ARID1B: variants seen among roughly 807,000 people sequenced by gnomAD.
ARID1B encodes AT-rich interaction domain 1B.
In ARID1B, 30 loss-of-function variants were observed where a neutral mutation model predicts 212.3. The observed-to-expected ratio is 0.14, with a 90% confidence interval of 0.11 to 0.19. The LOEUF is 0.19. ARID1B is among the 10% of genes least tolerant of loss of function. The pLI, the probability that ARID1B is intolerant of heterozygous loss-of-function variation, is 1.00. For missense variants in ARID1B, 2,891 were observed against 3,204.0 expected (o/e 0.90, Z 2.36); for synonymous variants, 1,402 against 1,301.7 (o/e 1.08, Z -1.66).
At chr6:157,204,253 A>G (rs1794299214) in intron 19 of ARID1B, 2 of 337,476 alleles carry the variant, frequency 5.9e-6, no homozygotes, top group African/African-American at 4.1e-5. Context: ...TGTATATGGG[A>G]TAGATGACAG....
chr6:157,070,068 A>G (rs1783914399), intron 4 of ARID1B, among the ~76,000 whole-genome samples: 1 of 152,190 alleles, frequency 6.6e-6, no homozygotes, highest in Admixed American at 6.5e-5. Context: ...AAAGACTAGA[A>G]GGAAATATGG....
intron 4 of ARID1B, among the ~76,000 whole-genome samples, chr6:157,046,619 T>G (rs1194958628): frequency 6.6e-6 from 1 of 152,222 alleles, no homozygotes; most frequent in Non-Finnish European, 1.5e-5. Flanking sequence ...CATTTCTTCT[T>G]GCTGATGTTT....
intron 13 of ARID1B, chr6:157,185,788 A>C (rs1363493861): frequency 2.6e-5 from 4 of 152,198 alleles, no homozygotes; most frequent in African/African-American, 9.7e-5. Flanking sequence ...TAATCAAGGG[A>C]TCTCACATAA....
rs544698841 is a variant in ARID1B at position 156,955,715 on chromosome 6, C to T, written c.2247+20139C>T. 6.6e-6 allele frequency among the ~76,000 whole-genome samples: 1 copy of T among 152,296 alleles called. No individual in the cohort carries two copies. The highest frequency in any genetic ancestry group is 2.4e-5 in the African/African-American group (1 of 41,572). ...AAACATCAAGAAAAGGTAGGAGAACCTATGCCCATCTCCAGAAGGGCCCTA... is the reference window on the plus strand; with the variant it reads ...AAACATCAAGAAAAGGTAGGAGAACTTATGCCCATCTCCAGAAGGGCCCTA... On this transcript the variant is annotated intron_variant, in intron 4 of 19. Coordinates refer to ENST00000636930, the MANE Select transcript of ARID1B (RefSeq NM_001374828.1). The surrounding 1 kb of genome is among the most constrained non-coding windows in gnomAD (Gnocchi z 4.2).
chr6:156,924,707 ATCTTGG>A (rs1160129115), intron 3 of ARID1B, among the ~76,000 whole-genome samples: 1 of 152,212 alleles, frequency 6.6e-6, no homozygotes, highest in African/African-American at 2.4e-5. Context: ...GAGCTACTGT[ATCTTGG>A]TTTTATGGAT....
intron 2 of ARID1B, among the ~76,000 whole-genome samples, chr6:156,894,373 G>T (rs913716587): frequency 6.6e-6 from 1 of 151,798 alleles, no homozygotes; most frequent in Admixed American, 6.6e-5. Flanking sequence ...CATTTGGGAT[G>T]ATGAAATCCT....
At chr6:156,892,545 G>A (rs1788024605) in intron 2 of ARID1B, among the ~76,000 whole-genome samples, 1 of 152,128 alleles carries the variant, frequency 6.6e-6, no homozygotes, top group Admixed American at 6.5e-5. Flanking sequence ...ATATTTTAAA[G>A]CTATTATTTA....
intron 13 of ARID1B, chr6:157,185,852 G>A (rs1025234522): frequency 6.6e-6 from 1 of 152,194 alleles, no homozygotes; most frequent in Admixed American, 6.5e-5. Context: ...AATTACATCT[G>A]TAGGCTCTAA....
intron 4 of ARID1B, among the ~76,000 whole-genome samples, chr6:157,013,905 C>G (rs1057280278): frequency 6.6e-6 from 1 of 152,194 alleles, no homozygotes; most frequent in African/African-American, 2.4e-5. Context: ...GTGCTTTGCT[C>G]AAGATCAGTG....
chr6:157,204,256 G>A (rs577717381), intron 19 of ARID1B: 1 of 318,134 alleles, frequency 3.1e-6, no homozygotes, highest in Admixed American at 4.6e-5. Flanking sequence ...ATATGGGATA[G>A]ATGACAGTAG....
chr6:156,898,477 G>T (rs1266231409), intron 2 of ARID1B, among the ~76,000 whole-genome samples: 1 of 152,050 alleles, frequency 6.6e-6, no homozygotes, highest in African/African-American at 2.4e-5. Context: ...AGGGACAGCC[G>T]CCCAGATGCC....
intron 4 of ARID1B, among the ~76,000 whole-genome samples, chr6:157,029,210 G>A (rs1780869749): frequency 6.6e-6 from 1 of 152,158 alleles, no homozygotes; most frequent in Admixed American, 6.5e-5. Context: ...TTGATTTTTA[G>A]TAACAGTCAT....
chr6:157,007,508 C>T (rs1296894451), intron 4 of ARID1B, among the ~76,000 whole-genome samples: 1 of 152,080 alleles, frequency 6.6e-6, no homozygotes, highest in Non-Finnish European at 1.5e-5. Context: ...TTAAAGCGAA[C>T]CATTTAGCTT....
Position 156,899,331 on chromosome 6 carries a change from T to C in ARID1B, c.1987-2045T>C, listed in dbSNP as rs555350093. Among the ~76,000 whole-genome samples, 5 of 152,316 alleles carry C rather than the reference T, an allele frequency of 3.3e-5. No homozygotes were observed. In the East Asian group the frequency reaches 9.6e-4, roughly 29 times the overall value. ...GCAATCCGTCCCATCATGGCTCCCA[T>C]TGAAGGACAGCTGACCGGGTCCAGT... is the stretch of plus-strand genomic sequence containing the variant. On this transcript the variant is annotated intron_variant, in intron 2 of 19. Coordinates refer to ENST00000636930, the MANE Select transcript of ARID1B (RefSeq NM_001374828.1).
chr6:157,043,009 A>T (rs1000767493), intron 4 of ARID1B, among the ~76,000 whole-genome samples: 2 of 152,204 alleles, frequency 1.3e-5, no homozygotes, highest in African/African-American at 4.8e-5. Context: ...TATTTGTTTT[A>T]GGCACCTAAA....
intron 4 of ARID1B, among the ~76,000 whole-genome samples, chr6:157,033,728 G>A (rs1309481541): frequency 6.6e-6 from 1 of 152,184 alleles, no homozygotes; most frequent in Admixed American, 6.5e-5. Context: ...GAACTTTACA[G>A]ACTGAACTTT....
At chr6:156,801,362 G>A (rs1349791429) in intron 1 of ARID1B, among the ~76,000 whole-genome samples, 1 of 151,762 alleles carries the variant, frequency 6.6e-6, no homozygotes, top group East Asian at 1.9e-4. Flanking sequence ...ACCAGGTCTG[G>A]GTAATTTTTT....
chr6:157,208,009 C>T lies in ARID1B; in HGVS notation c.*118C>T, dbSNP rs1794594920. The T allele has an allele frequency of 1.8e-6, 2 of 1,082,964 alleles. No individual in the cohort carries two copies. Among genetic ancestry groups the T allele is most frequent in the Non-Finnish European group, 2.5e-6 (2 of 810,320 alleles). 67.1% of individuals were successfully genotyped at this position (1,082,964 alleles called of 1,614,324 possible). ...GGAAAAGAAAATCTTTGCTCCTCTG[C>T]CCCATTCACTATTTACCAATTGGGA... On this transcript the variant is annotated 3_prime_UTR_variant, in exon 20 of 20. Coordinates refer to ENST00000636930, the MANE Select transcript of ARID1B (RefSeq NM_001374828.1).
chr6:156,793,901 G>A (rs1021507660), intron 1 of ARID1B, among the ~76,000 whole-genome samples: 14 of 152,336 alleles, frequency 9.2e-5, no homozygotes, highest in African/African-American at 3.1e-4. Context: ...CACATTGCAC[G>A]TATTATCTGC....
Sources: allele counts gnomAD v4.1 joint callset (sites outside exome capture counted in the v4.1 genomes callset), GRCh38; gene constraint gnomAD v4.1.1; non-coding constraint Gnocchi (gnomAD v3.1); transcripts MANE v1.5; gene names NCBI Gene and HGNC (gene_info 2026-07-23, HGNC 2026-07-21).